Variants in SUPT3H observed in about 807,000 individuals in gnomAD.
The protein encoded by SUPT3H is SPT3 homolog, SAGA and STAGA complex component, also known as transcription initiation protein SPT3 homolog.
A neutral mutation model predicts 44.3 loss-of-function variants in SUPT3H; 44 were observed. That is an observed-to-expected ratio of 0.99 (90% CI 0.78 to 1.28). SUPT3H has a LOEUF of 1.28. SUPT3H is among the 50% of genes most tolerant of loss of function. The pLI is 0.00. For missense variants in SUPT3H, 380 were observed against 387.1 expected (o/e 0.98, Z 0.15); for synonymous variants, 124 against 125.6 (o/e 0.99, Z 0.09).
chr6:45,007,885 A>G (rs1260658149), intron 5 of SUPT3H, among the ~76,000 whole-genome samples: 1 of 152,096 alleles, frequency 6.6e-6, no homozygotes, highest in Non-Finnish European at 1.5e-5. Flanking sequence ...TCTACACTCC[A>G]TCTCTTTAGA....
At chr6:45,253,193 A>G (rs1772688908) in intron 2 of SUPT3H, among the ~76,000 whole-genome samples, 1 of 152,206 alleles carries the variant, frequency 6.6e-6, no homozygotes, top group Non-Finnish European at 1.5e-5. Flanking sequence ...GAATTAAAGA[A>G]TTTCTCTCAA....
intron 1 of SUPT3H, among the ~76,000 whole-genome samples, chr6:45,376,886 C>T (rs1796859338): frequency 6.6e-6 from 1 of 152,144 alleles, no homozygotes; most frequent in Non-Finnish European, 1.5e-5. Context: ...TACTTATATA[C>T]ACACATATGT....
At chr6:45,041,655 C>T (rs1788551465) in intron 3 of SUPT3H, among the ~76,000 whole-genome samples, 1 of 152,080 alleles carries the variant, frequency 6.6e-6, no homozygotes, top group Admixed American at 6.5e-5. Context: ...GCTGAAAATG[C>T]AAAGAAAAAA....
downstream of SUPT3H, among the ~76,000 whole-genome samples, chr6:44,821,765 CCCT>C (rs1767337483): frequency 6.6e-6 from 1 of 152,068 alleles, no homozygotes; most frequent in African/African-American, 2.4e-5. Flanking sequence ...AAGAAAAAAG[CCCT>C]CAAATCCACG....
intron 3 of SUPT3H, among the ~76,000 whole-genome samples, chr6:45,025,416 T>C (rs1409348704): frequency 2.6e-5 from 4 of 152,214 alleles, no homozygotes; most frequent in African/African-American, 9.6e-5. Context: ...AGGCAATTTA[T>C]AAATGTTTGT....
intron 2 of SUPT3H, among the ~76,000 whole-genome samples, chr6:45,210,079 T>G (rs1280702259): frequency 6.6e-6 from 1 of 152,152 alleles, no homozygotes; most frequent in Non-Finnish European, 1.5e-5. Flanking sequence ...ATTTTTGTAA[T>G]TAAGGTATGT....
At chr6:45,117,036 C>T (rs907965071) in intron 2 of SUPT3H, among the ~76,000 whole-genome samples, 77 of 152,142 alleles carry the variant, frequency 5.1e-4, no homozygotes, top group African/African-American at 1.7e-3. Context: ...AAACTACTAC[C>T]ACTTTCAATT....
intron 3 of SUPT3H, among the ~76,000 whole-genome samples, chr6:45,056,257 T>C (rs1260173690): frequency 2.6e-5 from 4 of 152,184 alleles, no homozygotes; most frequent in Non-Finnish European, 5.9e-5. Flanking sequence ...ACAACCACTA[T>C]GGAAAACAGT....
intron 3 of SUPT3H, 71 bp from the exon 4 acceptor site, chr6:45,020,703 T>A: frequency 9.5e-7 from 1 of 1,057,430 alleles, no homozygotes; most frequent in Non-Finnish European, 1.4e-6. Context: ...ATGATGTCTC[T>A]AAAGAGATAA....
chr6:45,065,635 C>T (rs200388688), intron 3 of SUPT3H, among the ~76,000 whole-genome samples: 1 of 151,086 alleles, frequency 6.6e-6, no homozygotes, highest in East Asian at 1.9e-4. Flanking sequence ...GATATCACCA[C>T]CGATCCCACA....
chr6:45,235,353 A>T (rs1324540), intron 2 of SUPT3H, among the ~76,000 whole-genome samples: 95,165 of 151,982 alleles, frequency 0.63, 30,595 homozygotes, highest in African/African-American at 0.79. Flanking sequence ...TCATTTTTAC[A>T]CAAAAGTCAC....
intron 3 of SUPT3H, among the ~76,000 whole-genome samples, chr6:45,067,547 T>A (rs1300210595): frequency 6.7e-6 from 1 of 150,202 alleles, no homozygotes; most frequent in Non-Finnish European, 1.5e-5. Context: ...TGGGAGAAAA[T>A]TTTCACAACC....
intron 2 of SUPT3H, among the ~76,000 whole-genome samples, chr6:45,175,348 G>C (rs907030931): frequency 6.6e-6 from 1 of 152,164 alleles, no homozygotes; most frequent in Non-Finnish European, 1.5e-5. Flanking sequence ...GAAACTTACA[G>C]TCACGGTGAA....
chr6:45,263,818 G>A (rs960143521), intron 2 of SUPT3H, among the ~76,000 whole-genome samples: 2 of 151,954 alleles, frequency 1.3e-5, no homozygotes, highest in South Asian at 2.1e-4. Context: ...CCATAAAATC[G>A]TAACCATCAC....
chr6:45,327,945 G>A (rs1786647395), intron 2 of SUPT3H, among the ~76,000 whole-genome samples: 1 of 151,824 alleles, frequency 6.6e-6, no homozygotes, highest in African/African-American at 2.4e-5. Flanking sequence ...ACACAATAAT[G>A]AACTAAAAAG....
intron 2 of SUPT3H, among the ~76,000 whole-genome samples, chr6:45,187,095 C>A (rs1024270230): frequency 3.2e-5 from 3 of 93,306 alleles, no homozygotes; most frequent in African/African-American, 9.2e-5. Context: ...GATACTTTTT[C>A]GCCTTTAAAA....
intron 10 of SUPT3H, among the ~76,000 whole-genome samples, chr6:44,922,230 G>C (rs751335029): frequency 2.6e-5 from 4 of 152,184 alleles, no homozygotes; most frequent in Non-Finnish European, 5.9e-5. Flanking sequence ...TTAAAACACT[G>C]GTTAGGAAAA....
intron 10 of SUPT3H, among the ~76,000 whole-genome samples, chr6:44,859,064 C>A (rs973724496): frequency 4.6e-5 from 7 of 152,156 alleles, no homozygotes; most frequent in Non-Finnish European, 1.0e-4. Flanking sequence ...ATTACTTTAA[C>A]TTGATGTAAC....
At chr6:45,367,443 A>G (rs959534984) in intron 1 of SUPT3H, among the ~76,000 whole-genome samples, 2 of 152,016 alleles carry the variant, frequency 1.3e-5, no homozygotes, top group African/African-American at 4.8e-5. Context: ...AAACATAACC[A>G]TTTGAGACTC....
Sources: gnomAD v4.1 joint callset for allele counts (sites outside exome capture counted in the v4.1 genomes callset) on GRCh38, gnomAD v4.1.1 for gene constraint, MANE v1.5 for transcripts, NCBI Gene and HGNC (gene_info 2026-07-23, HGNC 2026-07-21) for gene names.